Variants in RASSF3 observed in about 807,000 individuals in gnomAD.
The protein encoded by RASSF3 is ras association domain-containing protein 3.
A neutral mutation model predicts 19.9 loss-of-function variants in RASSF3; 19 were observed. The observed-to-expected ratio is 0.96, with a 90% CI of 0.67 to 1.40. The LOEUF (loss-of-function observed/expected upper bound fraction) is 1.40, where lower values mean the gene tolerates loss of function less well. RASSF3 is among the 40% of genes most tolerant of loss of function. RASSF3 has a pLI of 0.00. For synonymous variants in RASSF3, 110 were observed against 104.2 expected (o/e 1.06, Z -0.34); for missense variants, 306 against 289.8 (o/e 1.06, Z -0.41).
upstream of RASSF3, among the ~76,000 whole-genome samples, chr12:64,532,304 T>C (rs1016057296): frequency 1.3e-5 from 2 of 152,174 alleles, no homozygotes; most frequent in African/African-American, 4.8e-5. Flanking sequence ...ATAGTGGGCC[T>C]TTCCCTCCAA....
chr12:64,674,196 T>C (rs1308503692), intron 1 of RASSF3, among the ~76,000 whole-genome samples: 1 of 152,216 alleles, frequency 6.6e-6, no homozygotes, highest in Non-Finnish European at 1.5e-5. Flanking sequence ...AAACTTTGTA[T>C]CTGGCATTAA....
chr12:64,602,603 A>G (rs2136146738), intron 2 of RASSF3, among the ~76,000 whole-genome samples: 1 of 151,900 alleles, frequency 6.6e-6, no homozygotes, highest in African/African-American at 2.4e-5. Context: ...AAAAGAAAAA[A>G]AAATGAAAAA....
At chr12:64,529,480 C>G (rs1266397901), upstream of RASSF3, among the ~76,000 whole-genome samples, 1 of 152,186 alleles carries the variant, frequency 6.6e-6, no homozygotes, top group Non-Finnish European at 1.5e-5. Context: ...ATCCTGGACT[C>G]TTAGGAAAGT....
Position 64,533,728 on chromosome 12 carries a change from C to A in RASSF3, c.67+394C>A, listed in dbSNP as rs373573852. On this transcript the variant is annotated intron_variant, in intron 1 of 1. Transcript: ENST00000636333. ...TATAAAGGACAAGTGTTTTGCAGTT[C>A]AGATTCTTCCTAAAAAGACTCAAGA... 4 of 152,278 alleles carry A rather than the reference C, an allele frequency of 2.6e-5. No homozygotes were observed. The East Asian group carries it at 7.7e-4, about 29-fold the overall frequency. 9.4% of individuals were successfully genotyped at this position (152,278 alleles called of 1,614,324 possible).
At position 64,579,806 on chromosome 12, in the gene RASSF3, T is replaced by C. The variant is rs925254918; in HGVS notation, c.294+38101T>C. ...TAGGGTACAAAACTAGGTGTTTTTT[T>C]GGGTTTTTTTTTTTTTTTTTAAAGA... On this transcript the variant is annotated intron_variant, in intron 2 of 5. Transcript: ENST00000637125. 6.0e-5 allele frequency among the ~76,000 whole-genome samples: 8 copies of C among 132,714 alleles called. No individual in the cohort carries two copies. In the South Asian group the frequency reaches 1.8e-3, roughly 31 times the overall value. The allele number at this position is 132,714 out of a possible 152,430, so 87.1% of individuals were successfully genotyped here.
intron 2 of RASSF3, among the ~76,000 whole-genome samples, chr12:64,587,695 T>C (rs17100466): frequency 0.04 from 6,075 of 152,324 alleles, 434 homozygotes; most frequent in African/African-American, 0.14. Flanking sequence ...GGCATTTGCC[T>C]GGCTGTTAAG....
At chr12:64,574,237 G>A (rs1869562961) in intron 2 of RASSF3, among the ~76,000 whole-genome samples, 3 of 151,716 alleles carry the variant, frequency 2.0e-5, no homozygotes, top group Admixed American at 2.0e-4. Flanking sequence ...CTTGAACCTG[G>A]GAGACGGAGG....
At chr12:64,573,121 G>T (rs549479870) in intron 2 of RASSF3, among the ~76,000 whole-genome samples, 43 of 152,258 alleles carry the variant, frequency 2.8e-4, no homozygotes, top group Non-Finnish European at 5.0e-4. Flanking sequence ...GGAAGGATGA[G>T]GTGGGAGGAT....
chr12:64,582,943 A>G (rs1869728181), intron 2 of RASSF3, among the ~76,000 whole-genome samples: 1 of 152,096 alleles, frequency 6.6e-6, no homozygotes, highest in Non-Finnish European at 1.5e-5. Context: ...TCGAGACACT[A>G]CTTACTCATT....
At chr12:64,551,557 CAG>C (rs1244903182) in intron 2 of RASSF3, among the ~76,000 whole-genome samples, 1 of 152,112 alleles carries the variant, frequency 6.6e-6, no homozygotes, top group Non-Finnish European at 1.5e-5. Flanking sequence ...ATCTGGGAGA[CAG>C]AGTAAGACCC....
intron 1 of RASSF3, among the ~76,000 whole-genome samples, chr12:64,648,830 G>A (rs977352640): frequency 8.8e-6 from 1 of 114,110 alleles, no homozygotes; most frequent in African/African-American, 3.4e-5. Flanking sequence ...TTTAGAGATA[G>A]GGGCTCGATC....
At chr12:64,527,575 G>A (rs554272252) in intron 1 of RASSF3, among the ~76,000 whole-genome samples, 3 of 152,056 alleles carry the variant, frequency 2.0e-5, no homozygotes, top group South Asian at 4.1e-4. Context: ...CCCTTTTTTA[G>A]CATCATCCTA....
At chr12:64,654,488 A>G (rs1216152442) in intron 1 of RASSF3, among the ~76,000 whole-genome samples, 1 of 151,862 alleles carries the variant, frequency 6.6e-6, no homozygotes, top group African/African-American at 2.4e-5. Context: ...AATTTTAGTT[A>G]AAACTCTGTA....
chr12:64,592,725 C>A (rs1189599719), intron 2 of RASSF3, among the ~76,000 whole-genome samples: 1 of 152,186 alleles, frequency 6.6e-6, no homozygotes, highest in Non-Finnish European at 1.5e-5. Flanking sequence ...CAGCCTTGAA[C>A]TCCTGGGCTC....
chr12:64,683,219 A>G (rs1292088428), intron 1 of RASSF3, among the ~76,000 whole-genome samples: 1 of 152,202 alleles, frequency 6.6e-6, no homozygotes, highest in Non-Finnish European at 1.5e-5. Context: ...ATTTTTTTTC[A>G]GCAGTTTAAT....
At chr12:64,574,696 C>G (rs1033801570) in intron 2 of RASSF3, among the ~76,000 whole-genome samples, 1 of 152,160 alleles carries the variant, frequency 6.6e-6, no homozygotes, top group Non-Finnish European at 1.5e-5. Context: ...ATATGAAATG[C>G]GTAGAACATG....
intron 1 of RASSF3, among the ~76,000 whole-genome samples, chr12:64,516,275 A>G (rs1372130848): frequency 6.6e-6 from 1 of 152,208 alleles, no homozygotes; most frequent in Non-Finnish European, 1.5e-5. Flanking sequence ...TAAATATACC[A>G]TAAGATGCAA....
At chr12:64,690,679 T>C (rs1868267693) in intron 3 of RASSF3, among the ~76,000 whole-genome samples, 1 of 150,340 alleles carries the variant, frequency 6.7e-6, no homozygotes, top group African/African-American at 2.5e-5. Flanking sequence ...GAGACCAGGG[T>C]CCTGCTATGT....
At chr12:64,653,277 ACTGTATT>A (rs1194263174) in intron 1 of RASSF3, among the ~76,000 whole-genome samples, 36 of 152,102 alleles carry the variant, frequency 2.4e-4, no homozygotes, top group African/African-American at 8.5e-4. Context: ...TGGGGATCTC[ACTGTATT>A]GCCCTGGCTG....
Sources: gnomAD v4.1 joint callset for allele counts (sites outside exome capture counted in the v4.1 genomes callset) on GRCh38, gnomAD v4.1.1 for gene constraint, MANE v1.5 for transcripts, NCBI Gene and HGNC (gene_info 2026-07-23, HGNC 2026-07-21) for gene names.